STXBP4: variants seen among roughly 807,000 people sequenced by gnomAD.
STXBP4 encodes syntaxin-binding protein 4.
In STXBP4, 55 loss-of-function variants were observed where a neutral mutation model predicts 76.1. That is an observed-to-expected ratio of 0.72 (90% CI 0.58 to 0.91). The LOEUF is 0.91. Ranked by LOEUF, STXBP4 falls within the 40% of genes least tolerant of loss-of-function variation. The pLI is 0.00. For synonymous variants in STXBP4, 201 were observed against 220.2 expected (o/e 0.91, Z 0.77); for missense variants, 618 against 636.9 (o/e 0.97, Z 0.32).
chr17:55,212,745 T>C, the STXBP4 span, among the ~76,000 whole-genome samples: 1 of 152,214 alleles, frequency 6.6e-6, no homozygotes, highest in Non-Finnish European at 1.5e-5. Context: ...CCTTCTAGGA[T>C]TATCAAAGGA....
intron 1 of STXBP4, among the ~76,000 whole-genome samples, chr17:54,970,940 A>G (rs1361263900): frequency 6.6e-6 from 1 of 152,024 alleles, no homozygotes; most frequent in Non-Finnish European, 1.5e-5. Flanking sequence ...TGATAATGTG[A>G]AATGACAGTT....
chr17:54,977,447 G>C (rs1277651657), intron 1 of STXBP4, among the ~76,000 whole-genome samples: 3 of 152,108 alleles, frequency 2.0e-5, no homozygotes, highest in Admixed American at 6.5e-5. Flanking sequence ...AAGTAATCTA[G>C]GGATGATTTA....
chr17:55,120,614 G>A (rs1265215635), intron 16 of STXBP4, among the ~76,000 whole-genome samples: 1 of 152,172 alleles, frequency 6.6e-6, no homozygotes, highest in East Asian at 1.9e-4. Flanking sequence ...ACAGAGCCTG[G>A]AGAAATCACA....
intron 1 of STXBP4, among the ~76,000 whole-genome samples, chr17:54,983,951 G>A (rs1489390266): frequency 6.6e-6 from 1 of 152,064 alleles, no homozygotes; most frequent in Non-Finnish European, 1.5e-5. Context: ...TTCCTCATGG[G>A]TACTGAATAA....
chr17:55,146,624 G>A (rs972818658), intron 17 of STXBP4, among the ~76,000 whole-genome samples: 3 of 152,172 alleles, frequency 2.0e-5, no homozygotes, highest in African/African-American at 4.8e-5. Context: ...GGCTGAGGCA[G>A]GAGAATGTTG....
chr17:55,062,610 A>G (rs960795712), intron 12 of STXBP4, among the ~76,000 whole-genome samples: 3 of 152,174 alleles, frequency 2.0e-5, no homozygotes, highest in African/African-American at 7.2e-5. Flanking sequence ...TTAGGTATAT[A>G]ACCAGTAATG....
At chr17:54,996,525 G>GA (rs1413005649) in intron 4 of STXBP4, among the ~76,000 whole-genome samples, 1 of 152,066 alleles carries the variant, frequency 6.6e-6, no homozygotes, top group African/African-American at 2.4e-5. Flanking sequence ...AACAGATATG[G>GA]AAGTCTCATT....
At chr17:55,134,954 A>G (rs1037651335) in intron 16 of STXBP4, among the ~76,000 whole-genome samples, 10 of 152,170 alleles carry the variant, frequency 6.6e-5, no homozygotes, top group African/African-American at 2.2e-4. Flanking sequence ...GTAAGAGAAA[A>G]CATTTAAACT....
At chr17:55,157,858 G>A (rs1191068075) in intron 17 of STXBP4, among the ~76,000 whole-genome samples, 2 of 152,090 alleles carry the variant, frequency 1.3e-5, no homozygotes. Context: ...ATGCATTTTT[G>A]TGATAGTTCC....
chr17:55,128,883 G>A (rs2079941892), intron 16 of STXBP4, among the ~76,000 whole-genome samples: 1 of 150,884 alleles, frequency 6.6e-6, no homozygotes, highest in Non-Finnish European at 1.5e-5. Flanking sequence ...CCAAAGTGCT[G>A]GAATTACAGG....
chr17:55,117,845 C>T (rs1055995645), intron 16 of STXBP4, among the ~76,000 whole-genome samples: 2 of 151,908 alleles, frequency 1.3e-5, no homozygotes, highest in African/African-American at 4.8e-5. Context: ...CTACTCCCTT[C>T]CTTTCACCAA....
intron 3 of STXBP4, 126 bp downstream of exon 3, chr17:54,986,392 T>G (rs1441754185): frequency 1.6e-6 from 1 of 638,728 alleles, no homozygotes; most frequent in East Asian, 2.9e-5. Context: ...CAATGAGTAG[T>G]GAGTAAAGTA....
chr17:55,099,843 T>G (rs976309716), intron 16 of STXBP4, among the ~76,000 whole-genome samples: 1 of 152,194 alleles, frequency 6.6e-6, no homozygotes, highest in Non-Finnish European at 1.5e-5. Context: ...AGATCCTAAG[T>G]AGGTACCACG....
chr17:55,112,664 T>A (rs1438785666), intron 16 of STXBP4, among the ~76,000 whole-genome samples: 1 of 152,012 alleles, frequency 6.6e-6, no homozygotes, highest in African/African-American at 2.4e-5. Context: ...AGAAAGAGAT[T>A]GGGAGAAAGG....
chr17:55,175,323 A>G (rs1403489691), downstream of STXBP4, among the ~76,000 whole-genome samples: 1 of 152,218 alleles, frequency 6.6e-6, no homozygotes, highest in Admixed American at 6.5e-5. Flanking sequence ...AAATGCTGAA[A>G]ATTAAGCAGA....
At chr17:55,202,943 G>T in the STXBP4 span, among the ~76,000 whole-genome samples, 2 of 152,100 alleles carry the variant, frequency 1.3e-5, no homozygotes, top group Admixed American at 6.5e-5. Context: ...TCCAGAAAAC[G>T]ATCATTGGAC....
chr17:55,144,210 G>C (rs577348440), intron 17 of STXBP4, among the ~76,000 whole-genome samples: 1 of 152,238 alleles, frequency 6.6e-6, no homozygotes, highest in Non-Finnish European at 1.5e-5. Flanking sequence ...GTCTTCCAGA[G>C]ATTAAAAAAG....
the STXBP4 span, among the ~76,000 whole-genome samples, chr17:55,181,747 A>G: frequency 1.3e-5 from 2 of 152,210 alleles, no homozygotes; most frequent in South Asian, 4.1e-4. Flanking sequence ...ACCAATAGAG[A>G]TAAGTTAAAC....
At chr17:55,048,569 AAC>A (rs1335287441) in intron 12 of STXBP4, among the ~76,000 whole-genome samples, 1 of 151,838 alleles carries the variant, frequency 6.6e-6, no homozygotes, top group African/African-American at 2.4e-5. Flanking sequence ...GGCTATGAAA[AAC>A]ACATCTCAAA....
Sources: allele counts gnomAD v4.1 joint callset (sites outside exome capture counted in the v4.1 genomes callset), GRCh38; gene constraint gnomAD v4.1.1; transcripts MANE v1.5; gene names NCBI Gene and HGNC (gene_info 2026-07-23, HGNC 2026-07-21).